Variants in CCBE1 observed in about 807,000 individuals in gnomAD.
The protein encoded by CCBE1 is collagen and calcium-binding EGF domain-containing protein 1.
In CCBE1, 37 loss-of-function variants were observed where a neutral mutation model predicts 50.0. The ratio of observed to expected loss-of-function variants is 0.74; its 90% CI spans 0.57 to 0.97. The LOEUF (loss-of-function observed/expected upper bound fraction) is 0.97, where lower values mean the gene tolerates loss of function less well. Among genes scored for constraint, CCBE1 ranks in the 50% least tolerant of loss-of-function variants. CCBE1 has a pLI of 0.00. For synonymous variants in CCBE1, 234 were observed against 203.7 expected, an observed-to-expected ratio of 1.15 and a Z score of -1.27; for missense variants, 538 against 523.8, an observed-to-expected ratio of 1.03 and a Z score of -0.26.
chr18:59,547,562 A>C (rs112960559), intron 2 of CCBE1, among the ~76,000 whole-genome samples: 38 of 152,334 alleles, frequency 2.5e-4, no homozygotes, highest in African/African-American at 8.7e-4. Flanking sequence ...ACTGAAGGTG[A>C]CAGATGACCA....
chr18:59,554,765 T>C (rs1048649342), intron 2 of CCBE1, among the ~76,000 whole-genome samples: 1 of 152,182 alleles, frequency 6.6e-6, no homozygotes, highest in African/African-American at 2.4e-5. Context: ...AAGGGTCCCA[T>C]AGTCCAGCAG....
At chr18:59,633,183 A>G (rs952645053) in intron 2 of CCBE1, among the ~76,000 whole-genome samples, 2 of 152,238 alleles carry the variant, frequency 1.3e-5, no homozygotes, top group African/African-American at 4.8e-5. Flanking sequence ...AGTTTGAAGC[A>G]GTGAAGCACC....
intron 2 of CCBE1, among the ~76,000 whole-genome samples, chr18:59,659,743 T>C (rs929442128): frequency 1.3e-5 from 2 of 152,028 alleles, no homozygotes; most frequent in Non-Finnish European, 2.9e-5. Flanking sequence ...GTAGAGGAAA[T>C]AGTAAAATCC....
intron 10 of CCBE1, 38 bp downstream of exon 10, chr18:59,438,073 C>T (rs370764479): frequency 3.5e-5 from 56 of 1,611,502 alleles, no homozygotes; most frequent in Middle Eastern, 1.6e-4. Flanking sequence ...TCCCTGAGAA[C>T]GTTCCCCTGG....
chr18:59,598,305 A>C (rs1363133242), intron 2 of CCBE1, among the ~76,000 whole-genome samples: 1 of 152,180 alleles, frequency 6.6e-6, no homozygotes, highest in African/African-American at 2.4e-5. Context: ...TGATACAGAA[A>C]GTCGCCCCCT....
chr18:59,582,099 C>T (rs776114598), intron 2 of CCBE1, among the ~76,000 whole-genome samples: 1 of 152,200 alleles, frequency 6.6e-6, no homozygotes, highest in Non-Finnish European at 1.5e-5. Flanking sequence ...TGGTCTGCCA[C>T]TGTGCCTCAT....
At chr18:59,567,081 T>C (rs541922349) in intron 2 of CCBE1, among the ~76,000 whole-genome samples, 58 of 152,314 alleles carry the variant, frequency 3.8e-4, no homozygotes, top group Middle Eastern at 3.4e-3. Context: ...CATGATGTCC[T>C]GGATTTATTG....
At chr18:59,478,208 C>T (rs1319486268) in intron 3 of CCBE1, among the ~76,000 whole-genome samples, 2 of 152,128 alleles carry the variant, frequency 1.3e-5, no homozygotes, top group African/African-American at 4.8e-5. Flanking sequence ...TGCATCTCCA[C>T]AATCTCATAA....
chr18:59,656,951 T>C (rs1458852162), intron 2 of CCBE1, among the ~76,000 whole-genome samples: 1 of 152,098 alleles, frequency 6.6e-6, no homozygotes, highest in East Asian at 1.9e-4. Context: ...AAGATGAATA[T>C]AGGGTCTCAG....
intron 2 of CCBE1, among the ~76,000 whole-genome samples, chr18:59,534,827 A>G (rs956516631): frequency 1.3e-5 from 2 of 152,212 alleles, no homozygotes; most frequent in Non-Finnish European, 2.9e-5. Flanking sequence ...CTGTCTCCCA[A>G]TAACAGACCA....
chr18:59,460,015 TAA>T (rs760599668), intron 5 of CCBE1, among the ~76,000 whole-genome samples: 6 of 152,110 alleles, frequency 3.9e-5, no homozygotes, highest in African/African-American at 9.7e-5. Flanking sequence ...AGTTGAAAAA[TAA>T]AGACTGGCAA....
chr18:59,507,422 T>C (rs554751527), intron 2 of CCBE1, among the ~76,000 whole-genome samples: 106 of 152,336 alleles, frequency 7.0e-4, no homozygotes, highest in African/African-American at 2.5e-3. Flanking sequence ...AACTTTGCCA[T>C]AGCCAAGGCA....
At chr18:59,446,680 G>T (rs548262720) in intron 7 of CCBE1, among the ~76,000 whole-genome samples, 5 of 152,140 alleles carry the variant, frequency 3.3e-5, no homozygotes, top group Non-Finnish European at 7.3e-5. Flanking sequence ...CTTCCTCCTT[G>T]GGCAAATTCT....
At chr18:59,544,706 A>G (rs1265408532) in intron 2 of CCBE1, among the ~76,000 whole-genome samples, 2 of 152,140 alleles carry the variant, frequency 1.3e-5, no homozygotes, top group East Asian at 3.9e-4. Context: ...GATGACAAAG[A>G]TTCATCTGTA....
chr18:59,492,299 C>T (rs1913148447), intron 2 of CCBE1, among the ~76,000 whole-genome samples: 1 of 151,944 alleles, frequency 6.6e-6, no homozygotes, highest in Non-Finnish European at 1.5e-5. Context: ...GTTTTCAGGT[C>T]ACTAGTGTGA....
At chr18:59,581,750 T>C (rs1304466280) in intron 2 of CCBE1, among the ~76,000 whole-genome samples, 2 of 152,228 alleles carry the variant, frequency 1.3e-5, no homozygotes, top group African/African-American at 2.4e-5. Flanking sequence ...TTCTAAGCAC[T>C]GTAGGATGGT....
chr18:59,504,714 C>T (rs1375618311), intron 2 of CCBE1, among the ~76,000 whole-genome samples: 1 of 152,156 alleles, frequency 6.6e-6, no homozygotes, highest in Non-Finnish European at 1.5e-5. Flanking sequence ...CTGGAGTCTG[C>T]GATGTCCTCC....
chr18:59,555,689 T>TACAGTC (rs1332744899), intron 2 of CCBE1, among the ~76,000 whole-genome samples: 1 of 152,114 alleles, frequency 6.6e-6, no homozygotes, highest in Non-Finnish European at 1.5e-5. Context: ...GGGTCAATGT[T>TACAGTC]ACAGTCACAG....
rs1442915886 is a variant in CCBE1 at position 59,439,770 on chromosome 18, G to A, written c.822C>T (p.Gly274=). The change falls in exon 8 of 11, where the codon GGC becomes GGT. Residue 274 remains glycine (G), a synonymous_variant. Transcript: ENST00000439986. The part of the protein sequence containing the change: ...KGSPGFPGMP[G]PPGQPGPRGS... ...CCCGTGGGCCGGGCTGCCCAGGAGG[G>A]CCTGGCATACCGGGGAAGCCTGGGC... 1.9e-6 allele frequency: 3 copies of A among 1,614,148 alleles called. No homozygotes were observed. Among genetic ancestry groups the A allele is most frequent in the South Asian group, 2.2e-5 (2 of 91,086 alleles).
Sources: allele counts gnomAD v4.1 joint callset (sites outside exome capture counted in the v4.1 genomes callset), GRCh38; gene constraint gnomAD v4.1.1; transcripts MANE v1.5; gene names NCBI Gene and HGNC (gene_info 2026-07-23, HGNC 2026-07-21).